The following NEB variants were observed in gnomAD, a reference collection of about 807,000 sequenced individuals.
NEB encodes nebulin.
NEB carries 512 observed loss-of-function variants against 952.2 expected under a neutral mutation model. The observed-to-expected ratio is 0.54, with a 90% CI of 0.50 to 0.58. The LOEUF (loss-of-function observed/expected upper bound fraction) is 0.58. Ranked by LOEUF, NEB falls within the 20% of genes least tolerant of loss-of-function variation. The probability of loss-of-function intolerance (pLI) is 0.00; values close to 1 mark genes in which losing one functional copy is unlikely to be tolerated. For missense variants in NEB, 8,428 were observed against 9,231.1 expected (o/e 0.91, Z 3.56); for synonymous variants, 2,900 against 3,149.8 (o/e 0.92, Z 2.66).
intron 81 of NEB, among the ~76,000 whole-genome samples, chr2:151,609,156 G>A (rs1280083851): frequency 6.6e-6 from 1 of 151,520 alleles, no homozygotes; most frequent in East Asian, 1.9e-4. Flanking sequence ...ATTGGAGATT[G>A]CACTCCAGCC....
chr2:151,501,547 T>TA (rs1013651230), intron 167 of NEB, 64 bp from the exon 168 acceptor site: 6 of 877,488 alleles, frequency 6.8e-6, no homozygotes, highest in South Asian at 3.2e-5. Flanking sequence ...AGACTTAACC[T>TA]AAAAAAACAG....
At chr2:151,506,687 A>T (rs148705319) in intron 163 of NEB, among the ~76,000 whole-genome samples, 2 of 152,224 alleles carry the variant, frequency 1.3e-5, no homozygotes, top group African/African-American at 4.8e-5. Flanking sequence ...GGATTAAAAA[A>T]TTTAAAAATA....
intron 179 of NEB, among the ~76,000 whole-genome samples, chr2:151,491,029 A>G (rs1215860902): frequency 7.3e-6 from 1 of 136,166 alleles, no homozygotes; most frequent in East Asian, 2.2e-4. Flanking sequence ...CTGTCTCTAC[A>G]TAATATCCTT....
intron 13 of NEB, among the ~76,000 whole-genome samples, chr2:151,699,998 T>C (rs1469303318): frequency 1.3e-4 from 17 of 135,908 alleles, no homozygotes; most frequent in African/African-American, 2.8e-4. Context: ...TGGTTTTAGG[T>C]CTAACGTTTA....
Position 151,633,680 on chromosome 2 carries a change from G to A in NEB, c.9388C>T (p.Arg3130Trp), listed in dbSNP as rs779778326. The A allele has an allele frequency of 6.5e-5, 105 of 1,613,222 alleles. No individual in the cohort carries two copies. Among genetic ancestry groups the A allele is most frequent in the South Asian group, 4.3e-4 (39 of 91,066 alleles). ...LPDQSDVIHARQAYDLQSDNI... is the reference protein window; with the variant it reads ...LPDQSDVIHAWQAYDLQSDNI... ...TCACTCTGGAGGTCATAGGCCTGCC[G>A]AGCATGGATGACATCGCTCTGGTCA... Residue 3130 changes from arginine (R) to tryptophan (W), a missense_variant, in exon 65 of 182, where the codon CGG becomes TGG. This residue lies in a region of NEB where 1,772 missense variants were observed against 1,960.3 expected (regional missense o/e 0.90). Coordinates refer to ENST00000397345, the MANE Select transcript of NEB (RefSeq NM_001164508.2).
At chr2:151,579,104 A>AG (rs1560181221) in intron 105 of NEB, among the ~76,000 whole-genome samples, 1 of 150,698 alleles carries the variant, frequency 6.6e-6, no homozygotes, top group Admixed American at 6.6e-5. Flanking sequence ...AAAAAAAAAA[A>AG]AAAGTAAGAA....
Position 151,678,002 on chromosome 2 carries a change from C to G in NEB, c.3441G>C (p.Val1147=). The G allele has an allele frequency of 6.2e-7, 1 of 1,613,948 alleles. No individual in the cohort carries two copies. The highest frequency in any genetic ancestry group is 2.2e-5 in the East Asian group (1 of 44,888). Residue 1147 remains valine (V), a synonymous_variant, in exon 33 of 182, where the codon GTG becomes GTC. Coordinates refer to ENST00000397345, the MANE Select transcript of NEB (RefSeq NM_001164508.2). ...CCACATCCTGGGCTTTCTTAGCCGC[C>G]ACGACATTGAACATATCATGGGGCG... ...YNTPHDMFNV[V]AAKKAQDVVS... is the part of the protein sequence containing the mutation.
chr2:151,520,984 G>C (rs2081573612), intron 153 of NEB, among the ~76,000 whole-genome samples: 1 of 152,190 alleles, frequency 6.6e-6, no homozygotes, highest in Non-Finnish European at 1.5e-5. Flanking sequence ...ATTAAGGCCA[G>C]AAGTAGAATT....
intron 10 of NEB, among the ~76,000 whole-genome samples, chr2:151,713,914 AT>A (rs2150190211): frequency 6.6e-6 from 1 of 152,344 alleles, no homozygotes; most frequent in Admixed American, 6.5e-5. Context: ...ATATGCAATC[AT>A]TACCATCTGA....
At position 151,640,529 on chromosome 2, in the gene NEB, C is replaced by T. The variant is rs1399953582; in HGVS notation, c.8511G>A (p.Glu2837=). The change falls in exon 61 of 182, where the codon GAG becomes GAA. Residue 2837 remains glutamate, a synonymous_variant. Transcript: ENST00000397345. ...QSDREYKKDF[E]KWKTKFSSPV... is the part of the protein sequence containing the mutation. ...GGCTGCTGAACTTGGTCTTCCACTT[C>T]TCAAAGTCCTTCTTGTACTCCCTGT... 1 of 1,613,980 alleles carries T rather than the reference C, an allele frequency of 6.2e-7. No individual in the cohort carries two copies. The highest frequency in any genetic ancestry group is 1.7e-5 in the Admixed American group (1 of 60,014).
At chr2:151,680,674 C>T in intron 30 of NEB, 56 bp downstream of exon 30, 1 of 1,283,986 alleles carries the variant, frequency 7.8e-7, no homozygotes, top group Admixed American at 1.9e-5. Context: ...ATTTGAAATA[C>T]AAATGTATTT....
At chr2:151,634,874 G>A (rs2098727214) in intron 64 of NEB, among the ~76,000 whole-genome samples, 1 of 152,128 alleles carries the variant, frequency 6.6e-6, no homozygotes, top group Non-Finnish European at 1.5e-5. Flanking sequence ...ATGGGTTCTA[G>A]CCTCACATGT....
rs1175429371 is a variant in NEB at position 151,646,143 on chromosome 2, A to G, written c.7523T>C (p.Ile2508Thr). ...PDIVLAKANL[I>T]NTSDKLYRMG... ...TTGAAAACTTACATCACTTGTGTTG[A>G]TTAAGTTTGCTTTAGCCAGAACAAT... The change falls in exon 55 of 182, where the codon ATC becomes ACC. Residue 2508 changes from isoleucine (I) to threonine (T), a missense_variant. Transcript: ENST00000397345. 2.5e-6 allele frequency: 4 copies of G among 1,590,494 alleles called. No individual in the cohort carries two copies. The African/African-American group carries it at 5.4e-5, about 21-fold the overall frequency.
chr2:151,683,103 C>T (rs780577626), intron 28 of NEB, among the ~76,000 whole-genome samples: 1 of 152,120 alleles, frequency 6.6e-6, no homozygotes, highest in Non-Finnish European at 1.5e-5. Context: ...GACGTTTGTT[C>T]CCTGGAACTT....
At position 151,514,385 on chromosome 2, in the gene NEB, C is replaced by A. The variant is rs369098763; in HGVS notation, c.23060G>T (p.Gly7687Val). The change falls in exon 159 of 182, where the codon GGC becomes GTC. Residue 7687 changes from glycine (G) to valine (V), a missense_variant. Transcript: ENST00000397345. ...AGGTGTATCTTCCATTTCAGTGAGG[C>A]CCTTCCCACGGATGCTTTCCTCTAG... is the stretch of plus-strand genomic sequence containing the variant. ...KDLEESIRGKGLTEMEDTPDM... is the reference protein window; with the variant it reads ...KDLEESIRGKVLTEMEDTPDM... 1.2e-6 allele frequency: 2 copies of A among 1,613,792 alleles called. No individual in the cohort carries two copies. The highest frequency in any genetic ancestry group is 4.5e-5 in the East Asian group (2 of 44,874).
intron 141 of NEB, among the ~76,000 whole-genome samples, chr2:151,536,015 T>C (rs1373824787): frequency 6.6e-6 from 1 of 152,188 alleles, no homozygotes; most frequent in Non-Finnish European, 1.5e-5. Context: ...CCATCGATCT[T>C]CCCACCTCAG....
intron 54 of NEB, among the ~76,000 whole-genome samples, chr2:151,649,423 C>T (rs963945922): frequency 1.3e-5 from 2 of 151,926 alleles, no homozygotes; most frequent in African/African-American, 4.8e-5. Flanking sequence ...ATATTCAGAT[C>T]CTCCTAAGAC....
chr2:151,491,184 C>A (rs1248030453), intron 179 of NEB: 1 of 158,320 alleles, frequency 6.3e-6, no homozygotes, highest in Admixed American at 6.2e-5. Flanking sequence ...GTGTACAACA[C>A]CACTCGCGGC....
chr2:151,552,266 T>C lies in NEB; in HGVS notation c.19836+406A>G, dbSNP rs13021010. 6.0e-3 allele frequency among the ~76,000 whole-genome samples: 908 copies of C among 152,306 alleles called. 10 individuals are homozygous for C. The highest frequency in any genetic ancestry group is 7.8e-3 in the Non-Finnish European group (532 of 68,034). On this transcript the variant is annotated intron_variant, in intron 128 of 181. Coordinates refer to ENST00000397345, the MANE Select transcript of NEB (RefSeq NM_001164508.2). ...GCTCAGATGGATTAAGTGCTTTTCA[T>C]AAGCCTTATAGATAATGTGTGGTAG...
Sources: gnomAD v4.1 joint callset for allele counts (sites outside exome capture counted in the v4.1 genomes callset) on GRCh38, gnomAD v4.1.1 for gene constraint, gnomAD v4.1.1 regional missense constraint, MANE v1.5 for transcripts, NCBI Gene and HGNC (gene_info 2026-07-23, HGNC 2026-07-21) for gene names.